The following RBFOX1 variants were observed in gnomAD, a reference collection of about 807,000 sequenced individuals.
RBFOX1 encodes the protein RNA binding fox-1 homolog 1, also known as RNA binding protein fox-1 homolog 1.
RBFOX1 carries 8 observed loss-of-function variants against 57.7 expected under a neutral mutation model. That is an observed-to-expected ratio of 0.14 (90% CI 0.08 to 0.25). The LOEUF (loss-of-function observed/expected upper bound fraction) is 0.25. RBFOX1 is among the 10% of genes least tolerant of loss of function. RBFOX1 has a pLI of 1.00. For synonymous variants in RBFOX1, 326 were observed against 222.4 expected (o/e 1.47, Z -4.15); for missense variants, 611 against 548.5 (o/e 1.11, Z -1.14).
intron 2 of RBFOX1, among the ~76,000 whole-genome samples, chr16:6,388,092 G>A (rs1340789731): frequency 7.0e-6 from 1 of 143,576 alleles, no homozygotes; most frequent in African/African-American, 2.6e-5. Flanking sequence ...CGATTCTTCT[G>A]CCTCAGCCTC....
At chr16:6,724,070 C>T (rs111898641) in intron 3 of RBFOX1, among the ~76,000 whole-genome samples, 3,420 of 152,052 alleles carry the variant, frequency 0.022, 177 homozygotes, top group Admixed American at 0.11. Context: ...ATATTTATAC[C>T]CCGGGTGATA....
At chr16:7,232,684 A>G (rs1179398435) in intron 4 of RBFOX1, among the ~76,000 whole-genome samples, 2 of 151,992 alleles carry the variant, frequency 1.3e-5, no homozygotes, top group Non-Finnish European at 2.9e-5. Flanking sequence ...TCTACTAAAA[A>G]TGCAAAATTA....
At chr16:7,200,598 C>A (rs189185482) in intron 4 of RBFOX1, among the ~76,000 whole-genome samples, 21 of 152,304 alleles carry the variant, frequency 1.4e-4, no homozygotes, top group African/African-American at 4.3e-4. Context: ...AAACTGCCAG[C>A]TGTCTACCCA....
chr16:7,400,696 G>C (rs897394204), intron 4 of RBFOX1, among the ~76,000 whole-genome samples: 3 of 152,272 alleles, frequency 2.0e-5, no homozygotes, highest in African/African-American at 7.2e-5. Flanking sequence ...CACAGAGCTA[G>C]GGGAGGAAAA....
At chr16:6,888,651 A>G (rs145950249) in intron 3 of RBFOX1, among the ~76,000 whole-genome samples, 2 of 152,112 alleles carry the variant, frequency 1.3e-5, no homozygotes, top group African/African-American at 4.8e-5. Context: ...CAGTATTTAT[A>G]CTATTTCTGA....
intron 4 of RBFOX1, among the ~76,000 whole-genome samples, chr16:7,494,543 G>A (rs1038813903): frequency 2.6e-5 from 4 of 152,150 alleles, no homozygotes; most frequent in African/African-American, 9.7e-5. Flanking sequence ...AGCAATAATA[G>A]CACAGAGATG....
intron 4 of RBFOX1, among the ~76,000 whole-genome samples, chr16:5,883,837 G>T (rs2151922307): frequency 6.6e-6 from 1 of 152,208 alleles, no homozygotes; most frequent in African/African-American, 2.4e-5. Context: ...TCTTTTCCCA[G>T]TGACCTAATG....
chr16:5,789,633 G>C (rs1026003062), intron 3 of RBFOX1, among the ~76,000 whole-genome samples: 7 of 152,122 alleles, frequency 4.6e-5, no homozygotes, highest in Non-Finnish European at 1.0e-4. Flanking sequence ...TTTTTCCCCA[G>C]TCGTATCTTG....
chr16:5,958,106 A>T (rs550354701), intron 4 of RBFOX1, among the ~76,000 whole-genome samples: 1 of 152,328 alleles, frequency 6.6e-6, no homozygotes, highest in Non-Finnish European at 1.5e-5. Context: ...TGTAATGAGA[A>T]TAGTGATGGC....
At chr16:6,122,661 C>G (rs1191241859) in intron 1 of RBFOX1, among the ~76,000 whole-genome samples, 2 of 152,002 alleles carry the variant, frequency 1.3e-5, no homozygotes, top group African/African-American at 4.8e-5. Flanking sequence ...GAGTCAGCAC[C>G]CTGGGGCTCA....
chr16:6,415,855 G>A (rs762566892), intron 2 of RBFOX1, among the ~76,000 whole-genome samples: 4 of 152,136 alleles, frequency 2.6e-5, no homozygotes, highest in Non-Finnish European at 4.4e-5. Flanking sequence ...AGTCTCTATC[G>A]GTGTGAAAAA....
At chr16:5,395,071 C>G (rs969743982) in intron 1 of RBFOX1, among the ~76,000 whole-genome samples, 7 of 152,206 alleles carry the variant, frequency 4.6e-5, no homozygotes, top group Non-Finnish European at 1.0e-4. Flanking sequence ...CCCAACCTGC[C>G]CGTTCAGCCT....
At chr16:5,918,292 G>A (rs1010811614) in intron 4 of RBFOX1, among the ~76,000 whole-genome samples, 1 of 152,086 alleles carries the variant, frequency 6.6e-6, no homozygotes, top group Non-Finnish European at 1.5e-5. Flanking sequence ...GCTAATTTTT[G>A]TATTTTTAGT....
chr16:7,436,123 G>T (rs1250100638), intron 4 of RBFOX1, among the ~76,000 whole-genome samples: 1 of 152,106 alleles, frequency 6.6e-6, no homozygotes, highest in Non-Finnish European at 1.5e-5. Flanking sequence ...CCTTTTTGGA[G>T]GACAGATTGG....
intron 2 of RBFOX1, among the ~76,000 whole-genome samples, chr16:5,521,302 C>A (rs776558373): frequency 7.7e-6 from 1 of 129,492 alleles, no homozygotes; most frequent in Non-Finnish European, 1.6e-5. Flanking sequence ...GTTTGCACAA[C>A]TGCTGCCCCA....
At chr16:6,807,890 ATAT>A (rs1412888167) in intron 3 of RBFOX1, among the ~76,000 whole-genome samples, 2 of 120,280 alleles carry the variant, frequency 1.7e-5, no homozygotes, top group East Asian at 2.1e-4. Context: ...TGTTGAATAT[ATAT>A]TATTGTGTGT....
At chr16:7,495,300 A>T (rs983728292) in intron 4 of RBFOX1, among the ~76,000 whole-genome samples, 2 of 152,284 alleles carry the variant, frequency 1.3e-5, no homozygotes, top group Admixed American at 6.5e-5. Flanking sequence ...TGTCTTTCTG[A>T]GATAACAATT....
chr16:6,928,613 G>C (rs1321750466), intron 3 of RBFOX1, among the ~76,000 whole-genome samples: 2 of 152,230 alleles, frequency 1.3e-5, no homozygotes, highest in East Asian at 3.9e-4. Flanking sequence ...TTACCCTGTA[G>C]CTCCCAAGGT....
At chr16:5,736,241 G>C (rs758731642) in intron 3 of RBFOX1, among the ~76,000 whole-genome samples, 60 of 152,278 alleles carry the variant, frequency 3.9e-4, no homozygotes, top group Non-Finnish European at 5.1e-4. Flanking sequence ...GCGTCCTGGA[G>C]ACATACCAGG....
Sources: gnomAD v4.1 joint callset for allele counts (sites outside exome capture counted in the v4.1 genomes callset) on GRCh38, gnomAD v4.1.1 for gene constraint, MANE v1.5 for transcripts, NCBI Gene and HGNC (gene_info 2026-07-23, HGNC 2026-07-21) for gene names.